The following ULK4 variants were observed in gnomAD, a reference collection of about 807,000 sequenced individuals.
ULK4 encodes unc-51 like kinase 4.
A neutral mutation model predicts 160.6 loss-of-function variants in ULK4; 133 were observed. The observed-to-expected ratio is 0.83, with a 90% confidence interval of 0.72 to 0.96. The LOEUF (loss-of-function observed/expected upper bound fraction) is 0.96. ULK4 is among the 40% of genes least tolerant of loss of function. The pLI, the probability that ULK4 is intolerant of heterozygous loss-of-function variation, is 0.00. For missense variants in ULK4, 1,580 were observed against 1,499.5 expected (o/e 1.05, Z -0.89); for synonymous variants, 534 against 539.8 (o/e 0.99, Z 0.15).
chr3:41,678,189 C>T (rs890096734), intron 29 of ULK4, among the ~76,000 whole-genome samples: 5 of 148,318 alleles, frequency 3.4e-5, no homozygotes, highest in African/African-American at 5.1e-5. Context: ...CACACACACA[C>T]ACACACACAC....
chr3:41,411,607 A>G (rs550668155), intron 34 of ULK4, among the ~76,000 whole-genome samples: 2 of 151,762 alleles, frequency 1.3e-5, no homozygotes, highest in African/African-American at 2.4e-5. Context: ...TAATTTTTGT[A>G]TTTTTAGTAG....
intron 21 of ULK4, among the ~76,000 whole-genome samples, chr3:41,769,843 G>C (rs2039294473): frequency 6.6e-6 from 1 of 152,076 alleles, no homozygotes; most frequent in Non-Finnish European, 1.5e-5. Context: ...AAATCTCAAG[G>C]GGTAAAATTG....
chr3:41,712,116 G>C (rs2037116045), intron 25 of ULK4, among the ~76,000 whole-genome samples: 2 of 151,996 alleles, frequency 1.3e-5, no homozygotes, highest in South Asian at 4.2e-4. Flanking sequence ...TTTCCTTGGG[G>C]GAAAAAAATT....
chr3:41,409,541 A>C (rs2082368947), intron 34 of ULK4, among the ~76,000 whole-genome samples: 1 of 152,210 alleles, frequency 6.6e-6, no homozygotes, highest in African/African-American at 2.4e-5. Flanking sequence ...CTAATTTTAA[A>C]AATAATCCAA....
At chr3:41,524,848 G>A (rs745971219) in intron 32 of ULK4, among the ~76,000 whole-genome samples, 4 of 152,216 alleles carry the variant, frequency 2.6e-5, no homozygotes, top group South Asian at 2.1e-4. Flanking sequence ...TGAGGCAGGG[G>A]AATCGCTTGA....
chr3:41,900,357 G>C (rs1014962295), intron 13 of ULK4, among the ~76,000 whole-genome samples: 3 of 152,108 alleles, frequency 2.0e-5, no homozygotes, highest in African/African-American at 7.2e-5. Flanking sequence ...TCAGAGACTA[G>C]AATATTTAGA....
chr3:41,343,838 A>C (rs1322297404), intron 35 of ULK4, among the ~76,000 whole-genome samples: 1 of 152,256 alleles, frequency 6.6e-6, no homozygotes, highest in South Asian at 2.1e-4. Context: ...CCACCGCTCA[A>C]ATAAATCAAA....
chr3:41,286,183 A>G (rs2079452757), intron 35 of ULK4, among the ~76,000 whole-genome samples: 1 of 152,112 alleles, frequency 6.6e-6, no homozygotes, highest in Non-Finnish European at 1.5e-5. Flanking sequence ...ATTTCCTTTA[A>G]TATTATTATG....
chr3:41,615,550 G>T, intron 31 of ULK4, 119 bp downstream of exon 31: 1 of 898,534 alleles, frequency 1.1e-6, no homozygotes, highest in Non-Finnish European at 1.7e-6. Context: ...GTGTGATGAT[G>T]ATGGACGTAC....
chr3:41,436,139 T>C (rs566241376), intron 34 of ULK4, among the ~76,000 whole-genome samples: 1 of 152,312 alleles, frequency 6.6e-6, no homozygotes, highest in East Asian at 1.9e-4. Flanking sequence ...ATAAATTGCA[T>C]GAGATACTCA....
intron 17 of ULK4, among the ~76,000 whole-genome samples, chr3:41,871,356 G>T (rs1697084591): frequency 6.6e-6 from 1 of 152,112 alleles, no homozygotes; most frequent in Non-Finnish European, 1.5e-5. Context: ...AAAGCTCAAA[G>T]TAAATATGTA....
intron 27 of ULK4, among the ~76,000 whole-genome samples, chr3:41,703,829 C>T (rs1187156083): frequency 8.3e-6 from 1 of 119,982 alleles, no homozygotes; most frequent in Non-Finnish European, 1.7e-5. Flanking sequence ...GGATTTAATG[C>T]GCATGCACAC....
intron 34 of ULK4, among the ~76,000 whole-genome samples, chr3:41,446,077 C>T (rs1257508648): frequency 1.3e-5 from 2 of 152,144 alleles, no homozygotes; most frequent in Non-Finnish European, 2.9e-5. Context: ...TATGAACAGA[C>T]ACTTCTCAAA....
At chr3:41,807,655 A>G (rs529768012) in intron 19 of ULK4, among the ~76,000 whole-genome samples, 3 of 152,338 alleles carry the variant, frequency 2.0e-5, no homozygotes, top group African/African-American at 7.2e-5. Context: ...ATTCTCAATA[A>G]ATGTTAGCTT....
chr3:41,475,479 T>C (rs1298849533), intron 32 of ULK4, among the ~76,000 whole-genome samples: 1 of 152,176 alleles, frequency 6.6e-6, no homozygotes, highest in Non-Finnish European at 1.5e-5. Flanking sequence ...AGAGTATACA[T>C]TTCAAACATT....
At chr3:41,874,082 A>C (rs1270819624) in intron 17 of ULK4, among the ~76,000 whole-genome samples, 1 of 152,178 alleles carries the variant, frequency 6.6e-6, no homozygotes, top group African/African-American at 2.4e-5. Context: ...AAAGTGCAAC[A>C]AGTGCTATTT....
intron 21 of ULK4, among the ~76,000 whole-genome samples, chr3:41,769,916 C>A (rs905999668): frequency 6.6e-6 from 1 of 152,078 alleles, no homozygotes; most frequent in African/African-American, 2.4e-5. Flanking sequence ...CTGATAACAG[C>A]CTGAAAGAAA....
intron 35 of ULK4, among the ~76,000 whole-genome samples, chr3:41,275,033 A>G (rs1169407167): frequency 3.9e-5 from 6 of 152,222 alleles, no homozygotes; most frequent in African/African-American, 2.4e-5. Flanking sequence ...TAACATTCCA[A>G]TGGGGCCAAA....
chr3:41,691,621 CTATT>C (rs1318322471), intron 27 of ULK4, among the ~76,000 whole-genome samples: 3 of 151,828 alleles, frequency 2.0e-5, no homozygotes, highest in African/African-American at 7.2e-5. Flanking sequence ...ACAGTATTAT[CTATT>C]TATTTATTTC....
Sources: allele counts gnomAD v4.1 joint callset (sites outside exome capture counted in the v4.1 genomes callset), GRCh38; gene constraint gnomAD v4.1.1; transcripts MANE v1.5; gene names NCBI Gene and HGNC (gene_info 2026-07-23, HGNC 2026-07-21).